FLI1: variants seen among roughly 807,000 people sequenced by gnomAD.
The protein encoded by FLI1 is Fli-1 proto-oncogene, ETS transcription factor.
A neutral mutation model predicts 53.1 loss-of-function variants in FLI1; 13 were observed. The ratio of observed to expected loss-of-function variants is 0.24; its 90% CI spans 0.16 to 0.39. The LOEUF is 0.39. FLI1 is among the 10% of genes least tolerant of loss of function. The pLI is 1.00. For missense variants in FLI1, 424 were observed against 600.5 expected, an observed-to-expected ratio of 0.71 and a Z score of 3.07; for synonymous variants, 244 against 236.7, an observed-to-expected ratio of 1.03 and a Z score of -0.28.
chr11:128,766,761 G>T (rs1027183455), intron 2 of FLI1, among the ~76,000 whole-genome samples: 5 of 151,846 alleles, frequency 3.3e-5, no homozygotes, highest in African/African-American at 1.2e-4. Context: ...GCCTGGCAGG[G>T]GATGGAGGAC....
chr11:128,773,712 T>A (rs1941644933), intron 4 of FLI1, among the ~76,000 whole-genome samples: 1 of 151,486 alleles, frequency 6.6e-6, no homozygotes, highest in African/African-American at 2.4e-5. Flanking sequence ...AAGAATGGAA[T>A]TATTTTAGTC....
At chr11:128,732,960 G>A (rs1020784915) in intron 1 of FLI1, among the ~76,000 whole-genome samples, 1 of 152,176 alleles carries the variant, frequency 6.6e-6, no homozygotes, top group African/African-American at 2.4e-5. Context: ...GCATCTCATT[G>A]CTTCTCAAAT....
At chr11:128,745,078 A>G (rs1425118677) in intron 1 of FLI1, among the ~76,000 whole-genome samples, 1 of 152,246 alleles carries the variant, frequency 6.6e-6, no homozygotes, top group Middle Eastern at 3.2e-3. Context: ...GAAGCTGCAT[A>G]TGTATATTAA....
intron 5 of FLI1, among the ~76,000 whole-genome samples, chr11:128,797,881 G>A: frequency 6.6e-6 from 1 of 152,126 alleles, no homozygotes; most frequent in East Asian, 1.9e-4. Flanking sequence ...AGGCTAAGCA[G>A]GACACGGGCA....
intron 3 of FLI1, among the ~76,000 whole-genome samples, chr11:128,769,527 A>G (rs1362801030): frequency 6.6e-6 from 1 of 152,138 alleles, no homozygotes; most frequent in Non-Finnish European, 1.5e-5. Flanking sequence ...TTCCCTGGGA[A>G]GCTGCATCTC....
intron 4 of FLI1, among the ~76,000 whole-genome samples, chr11:128,778,154 A>G (rs1941799587): frequency 6.6e-6 from 1 of 152,238 alleles, no homozygotes; most frequent in African/African-American, 2.4e-5. Context: ...ATACAAATAT[A>G]TACATACAAA....
intron 1 of FLI1, 90 bp from the exon 2 acceptor site, chr11:128,758,025 C>G (rs1940960455): frequency 8.4e-7 from 1 of 1,192,844 alleles, no homozygotes; most frequent in Admixed American, 2.1e-5. Flanking sequence ...CTGGGGCAGC[C>G]CTGGGCCACC....
chr11:128,750,394 A>C (rs1407688989), intron 1 of FLI1, among the ~76,000 whole-genome samples: 2 of 152,194 alleles, frequency 1.3e-5, no homozygotes, highest in African/African-American at 4.8e-5. Flanking sequence ...GTTAGAAATA[A>C]AGCTCAGCCT....
chr11:128,732,336 A>G (rs989810772), intron 1 of FLI1, among the ~76,000 whole-genome samples: 1 of 152,228 alleles, frequency 6.6e-6, no homozygotes, highest in Non-Finnish European at 1.5e-5. Context: ...GACAGAACCA[A>G]CGTGAGTCTA....
At chr11:128,701,749 C>A (rs1944853) in intron 1 of FLI1, among the ~76,000 whole-genome samples, 5,881 of 152,244 alleles carry the variant, frequency 0.039, 168 homozygotes, top group East Asian at 0.13. Flanking sequence ...ATTTACCCAG[C>A]CAGTGCTATG....
chr11:128,810,968 C>T lies in FLI1; in HGVS notation c.1339C>T (p.His447Tyr). The change falls in exon 9 of 9, where the codon CAC becomes TAC. Residue 447 changes from histidine (H) to tyrosine (Y), a missense_variant. Transcript: ENST00000527786. This position sits in a 1 kb window ranked among gnomAD's most constrained non-coding sequence, Gnocchi z 6.6. The part of the protein sequence containing the change: ...PRHPNTHVPS[H>Y]LGSYY Reference sequence around the variant, plus strand: ...CCATCCTAACACCCACGTGCCTTCACACTTAGGCAGCTACTACTAGAAGCT... The same window carrying T: ...CCATCCTAACACCCACGTGCCTTCATACTTAGGCAGCTACTACTAGAAGCT... The T allele has an allele frequency of 6.2e-7, 1 of 1,614,030 alleles. No homozygotes were observed.
At chr11:128,690,218 G>A (rs1937678078), upstream of FLI1, among the ~76,000 whole-genome samples, 1 of 152,200 alleles carries the variant, frequency 6.6e-6, no homozygotes, top group African/African-American at 2.4e-5. Flanking sequence ...GCGCTTGCCC[G>A]CCCACCCCTC....
chr11:128,761,545 G>C (rs1565486799), intron 2 of FLI1, among the ~76,000 whole-genome samples: 2 of 152,330 alleles, frequency 1.3e-5, no homozygotes, highest in East Asian at 1.9e-4. Context: ...CCCCTTCAAT[G>C]CTGAGCCTGA....
chr11:128,776,183 T>C (rs547574478), intron 4 of FLI1, among the ~76,000 whole-genome samples: 176 of 152,338 alleles, frequency 1.2e-3, no homozygotes, highest in Non-Finnish European at 1.0e-4. Flanking sequence ...CTACAGACCC[T>C]GTCTGATGGC....
At chr11:128,745,335 GGC>G (rs376394401) in intron 1 of FLI1, among the ~76,000 whole-genome samples, 7 of 152,248 alleles carry the variant, frequency 4.6e-5, no homozygotes, top group African/African-American at 1.7e-4. Flanking sequence ...AGACGGCCCT[GGC>G]TGCCGAGCTC....
At chr11:128,694,919 C>T (rs1937977036) in intron 1 of FLI1, among the ~76,000 whole-genome samples, 1 of 152,190 alleles carries the variant, frequency 6.6e-6, no homozygotes, top group Non-Finnish European at 1.5e-5. Context: ...GAGCCGCCGG[C>T]TCCGCGGGAC....
chr11:128,749,215 G>A (rs180737716), intron 1 of FLI1, among the ~76,000 whole-genome samples: 2 of 152,338 alleles, frequency 1.3e-5, no homozygotes, highest in Admixed American at 6.5e-5. Context: ...CACCTCTACA[G>A]CCTTTGAATA....
chr11:128,803,381 C>T (rs1282221456), intron 5 of FLI1, among the ~76,000 whole-genome samples: 1 of 152,166 alleles, frequency 6.6e-6, no homozygotes, highest in Non-Finnish European at 1.5e-5. Context: ...GGCCCTCTCT[C>T]CTCTCCCTCC....
rs146883885 is a variant in FLI1, at chr11:128,753,394, T to C, written c.19-4721T>C. On this transcript the variant is annotated intron_variant, in intron 1 of 8. Transcript: ENST00000527786. ...AAATAATAACTAACTTCTCTTCCCT[T>C]GAATAAAATAATCAGCAACAATAGG... Among the ~76,000 whole-genome samples, 739 of 152,260 alleles carry C rather than the reference T, an allele frequency of 4.9e-3. 6 individuals are homozygous for C. The highest frequency in any genetic ancestry group is 7.1e-3 in the Non-Finnish European group (484 of 68,022).
Sources: allele counts gnomAD v4.1 joint callset (sites outside exome capture counted in the v4.1 genomes callset), GRCh38; gene constraint gnomAD v4.1.1; non-coding constraint Gnocchi (gnomAD v3.1); transcripts MANE v1.5; gene names NCBI Gene and HGNC (gene_info 2026-07-23, HGNC 2026-07-21).